WNT10B: variants seen among roughly 807,000 people sequenced by gnomAD.
WNT10B encodes the protein protein Wnt-10b.
WNT10B carries 26 observed loss-of-function variants against 32.7 expected under a neutral mutation model. That is an observed-to-expected ratio of 0.79 (90% CI 0.58 to 1.10). WNT10B has a LOEUF of 1.10. WNT10B is among the 50% of genes least tolerant of loss of function. WNT10B has a pLI of 0.00. For missense variants in WNT10B, 474 were observed against 532.5 expected (o/e 0.89, Z 1.08); for synonymous variants, 204 against 220.4 (o/e 0.93, Z 0.66).
chr12:48,969,880 C>G (rs1272465761), intron 3 of WNT10B, among the ~76,000 whole-genome samples: 1 of 151,908 alleles, frequency 6.6e-6, no homozygotes, highest in African/African-American at 2.4e-5. Flanking sequence ...ACCCAGCTGC[C>G]TCGCTGGCAG....
rs374582528 is a variant in WNT10B, at chr12:48,971,607, C to A, written c.-193G>T. Reference sequence around the variant, plus strand: ...GCCGGGCCACTCCTCTTCACCGCTTCCCCAGCGCCGCCGCGGCCGCCGGGA... The same window carrying A: ...GCCGGGCCACTCCTCTTCACCGCTTACCCAGCGCCGCCGCGGCCGCCGGGA... On this transcript the variant is annotated 5_prime_UTR_variant, in exon 1 of 5. Transcript: ENST00000301061. The A allele has an allele frequency of 9.2e-5, 14 of 152,662 alleles. No homozygotes were observed. The highest frequency in any genetic ancestry group is 7.7e-4 in the East Asian group (4 of 5,168). The allele number at this position is 152,662 out of a possible 1,614,324, so 9.5% of individuals were successfully genotyped here. A position where few individuals can be genotyped will look rare whatever the true frequency, so the allele number is the denominator to read the frequency against.
rs1940817061 is a variant in WNT10B, at chr12:48,970,015, C to T, written c.337+74G>A. ...CCGGAGCCGCGAAACCATCCCTTCC[C>T]GCCTCCGCGCGCCTCGCCCTGCCGC... On this transcript the variant is annotated intron_variant, in intron 3 of 4. Coordinates refer to ENST00000301061, the MANE Select transcript of WNT10B (RefSeq NM_003394.4). The surrounding 1 kb of genome is among the most constrained non-coding windows in gnomAD (Gnocchi z 5.0). 7.2e-7 allele frequency: 1 copy of T among 1,385,174 alleles called. No individual in the cohort carries two copies. The highest frequency in any genetic ancestry group is 1.5e-5 in the African/African-American group (1 of 65,306). The allele number at this position is 1,385,174 out of a possible 1,614,324, so 85.8% of individuals were successfully genotyped here.
At position 48,970,457 on chromosome 12, in the gene WNT10B, G is replaced by T. The variant is rs767121886; in HGVS notation, c.73C>A (p.Arg25=). 14 of 1,613,128 alleles carry T rather than the reference G, an allele frequency of 8.7e-6. No individual in the cohort carries two copies. Among genetic ancestry groups the T allele is most frequent in the Non-Finnish European group, 1.2e-5 (14 of 1,179,748 alleles). Reference sequence around the variant, plus strand: ...TGGGAGACAAGGGGAACTGCTCACCGACTGCACAACGCCAGGAACAGGAGA... The same window carrying T: ...TGGGAGACAAGGGGAACTGCTCACCTACTGCACAACGCCAGGAACAGGAGA... The part of the protein sequence containing the change: ...AGLLFLALCS[R]ALSNEILGLK... Residue 25 remains arginine (R), a splice_region_variant and synonymous_variant, in exon 2 of 5, where the codon CGG becomes AGG. Coordinates refer to ENST00000301061, the MANE Select transcript of WNT10B (RefSeq NM_003394.4). This position sits in a 1 kb window ranked among gnomAD's most constrained non-coding sequence, Gnocchi z 5.0.
chr12:48,969,673 G>A (rs1039766578), intron 3 of WNT10B, among the ~76,000 whole-genome samples: 2 of 152,090 alleles, frequency 1.3e-5, no homozygotes, highest in Non-Finnish European at 2.9e-5. Context: ...ACGGTTGGGG[G>A]CGTCACCCCA....
rs781160952 is a variant in WNT10B at position 48,970,269 on chromosome 12, C to G, written c.157G>C (p.Gly53Arg). 6 of 1,613,592 alleles carry G rather than the reference C, an allele frequency of 3.7e-6. No homozygotes were observed. The highest frequency in any genetic ancestry group is 5.1e-6 in the Non-Finnish European group (6 of 1,179,832). Residue 53 changes from glycine to arginine, a missense_variant, in exon 3 of 5, where the codon GGC (glycine) becomes CGC (arginine). By Grantham distance (125) the Gly-to-Arg change is moderately radical. Transcript: ENST00000301061. This position sits in a 1 kb window ranked among gnomAD's most constrained non-coding sequence, Gnocchi z 5.0. ...TANTVCLTLS[G>R]LSKRQLGLCL... The stretch of plus-strand genomic sequence containing the variant: ...AGGCCTAGCTGCCGCTTGCTCAGGC[C>G]GGACAGCGTCAAGCACACGGTGTTG...
chr12:48,966,032 A>C lies in WNT10B; in HGVS notation c.*63T>G. ...GTGACCTTGGAAGGAAATCAGAGCA[A>C]AGGGCTGAAAAGGCGCCCCTCTCAC... is the stretch of plus-strand genomic sequence containing the variant. On this transcript the variant is annotated 3_prime_UTR_variant, in exon 5 of 5. Transcript: ENST00000301061. 6.3e-7 allele frequency: 1 copy of C among 1,588,924 alleles called. No individual in the cohort carries two copies.
In WNT10B at chr12:48,970,507, C is replaced by T. The variant is rs1188648283; in HGVS notation, c.23G>A (p.Arg8Gln). The T allele has an allele frequency of 6.3e-7, 1 of 1,593,838 alleles. No homozygotes were observed. The highest frequency in any genetic ancestry group is 1.8e-5 in the Admixed American group (1 of 56,098). The part of the protein sequence containing the change: MLEEPRP[R>Q]PPPSGLAGLL... The stretch of plus-strand genomic sequence containing the variant: ...ACCCGCGAGGCCCGAGGGCGGAGGC[C>T]GCGGCCGGGGCTCCTCCAGCATGTC... The change falls in exon 2 of 5, where the codon CGG becomes CAG. Residue 8 changes from arginine (R) to glutamine (Q), a missense_variant. Physicochemically the swap from Arg to Gln is conservative, Grantham distance 43. Transcript: ENST00000301061. The surrounding 1 kb of genome is among the most constrained non-coding windows in gnomAD (Gnocchi z 5.0).
In WNT10B at chr12:48,969,287, C is replaced by G. The variant is rs188963563; in HGVS notation, c.337+802G>C. 4.8e-4 allele frequency: 182 copies of G among 380,652 alleles called. 1 individual carries two copies. Among genetic ancestry groups the G allele is most frequent in the African/African-American group, 3.7e-3 (172 of 46,952 alleles). 23.6% of individuals were successfully genotyped at this position (380,652 alleles called of 1,614,324 possible). On this transcript the variant is annotated intron_variant, in intron 3 of 4. Coordinates refer to ENST00000301061, the MANE Select transcript of WNT10B (RefSeq NM_003394.4). ...CTCCTGGGCCAGCCTTCTGATCCCC[C>G]TAACTCCAACCCTCCAGGGGTGAAG...
At chr12:48,967,472 G>A (rs1311209243) in intron 4 of WNT10B, among the ~76,000 whole-genome samples, 1 of 151,458 alleles carries the variant, frequency 6.6e-6, no homozygotes, top group Admixed American at 6.6e-5. Flanking sequence ...CCTAATTTTT[G>A]TACTTTTAAT....
At chr12:48,969,030 G>T (rs1242015384) in intron 3 of WNT10B, 5 of 468,338 alleles carry the variant, frequency 1.1e-5, no homozygotes, top group African/African-American at 8.0e-5. Flanking sequence ...CTCTTAAAAG[G>T]TTGGCTTCTT....
Position 48,966,031 on chromosome 12 carries a change from A to G in WNT10B, c.*64T>C, listed in dbSNP as rs763131979. On this transcript the variant is annotated 3_prime_UTR_variant, in exon 5 of 5. Coordinates refer to ENST00000301061, the MANE Select transcript of WNT10B (RefSeq NM_003394.4). Reference sequence around the variant, plus strand: ...AGTGACCTTGGAAGGAAATCAGAGCAAAGGGCTGAAAAGGCGCCCCTCTCA... The same window carrying G: ...AGTGACCTTGGAAGGAAATCAGAGCGAAGGGCTGAAAAGGCGCCCCTCTCA... The G allele has an allele frequency of 3.1e-5, 49 of 1,586,798 alleles. No individual in the cohort carries two copies. The highest frequency in any genetic ancestry group is 4.0e-5 in the African/African-American group (3 of 74,490).
rs1442448251 is a variant in WNT10B, at chr12:48,970,334, A to G, written c.92T>C (p.Ile31Thr). The change falls in exon 3 of 5, where the codon ATT becomes ACT. Residue 31 changes from isoleucine (I) to threonine (T), a missense_variant. Physicochemically the swap from Ile to Thr is moderately conservative, Grantham distance 89. Transcript: ENST00000301061. The surrounding 1 kb of genome is among the most constrained non-coding windows in gnomAD (Gnocchi z 5.0). ...CTCGCCAGGCAACTTCAGGCCCAGA[A>G]TCTCATTGCTTAGAGCCCTGGGAAC... is the stretch of plus-strand genomic sequence containing the variant. The part of the protein sequence containing the change: ...ALCSRALSNE[I>T]LGLKLPGEPP... 6 of 1,614,000 alleles carry G rather than the reference A, an allele frequency of 3.7e-6. No homozygotes were observed. The highest frequency in any genetic ancestry group is 5.1e-6 in the Non-Finnish European group (6 of 1,179,942).
Position 48,970,245 on chromosome 12 carries a change from G to C in WNT10B, c.181C>G (p.Leu61Val). 6.2e-7 allele frequency: 1 copy of C among 1,611,102 alleles called. No homozygotes were observed. The highest frequency in any genetic ancestry group is 8.5e-7 in the Non-Finnish European group (1 of 1,178,880). The part of the protein sequence containing the change: ...LSGLSKRQLG[L>V]CLRNPDVTAS... ...GTCACGTCGGGGTTGCGCAGGCACA[G>C]GCCTAGCTGCCGCTTGCTCAGGCCG... Residue 61 changes from leucine (L) to valine (V), a missense_variant, in exon 3 of 5, where the codon CTG becomes GTG. Physicochemically the swap from Leu to Val is conservative, Grantham distance 32 (BLOSUM62 1). Coordinates refer to ENST00000301061, the MANE Select transcript of WNT10B (RefSeq NM_003394.4). The surrounding 1 kb of genome is among the most constrained non-coding windows in gnomAD (Gnocchi z 5.0).
Position 48,970,943 on chromosome 12 carries a change from C to T in WNT10B, c.-40-374G>A. 3.3e-6 allele frequency: 1 copy of T among 300,350 alleles called. No individual in the cohort carries two copies. The highest frequency in any genetic ancestry group is 6.4e-6 in the Non-Finnish European group (1 of 155,854). The allele number at this position is 300,350 out of a possible 1,614,324, so 18.6% of individuals were successfully genotyped here. A position where few individuals can be genotyped will look rare whatever the true frequency, so the allele number is the denominator to read the frequency against. On this transcript the variant is annotated intron_variant, in intron 1 of 4. Transcript: ENST00000301061. The surrounding 1 kb of genome is among the most constrained non-coding windows in gnomAD (Gnocchi z 5.0). ...TCCAGGGCCCCACGACTAGCTTCCC[C>T]GCCCTCACAGGGCTAGGGAGAGGGA... is the stretch of plus-strand genomic sequence containing the variant.
chr12:48,968,383 G>A, intron 3 of WNT10B, 64 bp from the exon 4 acceptor site: 1 of 1,596,018 alleles, frequency 6.3e-7, no homozygotes, highest in Non-Finnish European at 8.5e-7. Context: ...TGTGGAGGCA[G>A]AAAGAAATAA....
Position 48,970,377 on chromosome 12 carries a change from T to C in WNT10B, c.75-26A>G. On this transcript the variant is annotated intron_variant, in intron 2 of 4. Transcript: ENST00000301061. The surrounding 1 kb of genome is among the most constrained non-coding windows in gnomAD (Gnocchi z 5.0). ...CTGGGAACCAAGAAGGCGTCTGGGGTCTGCGGTCCAGACCCCTCCAACTCT... is the reference window on the plus strand; with the variant it reads ...CTGGGAACCAAGAAGGCGTCTGGGGCCTGCGGTCCAGACCCCTCCAACTCT... 6.2e-7 allele frequency: 1 copy of C among 1,613,940 alleles called. No homozygotes were observed. Among genetic ancestry groups the C allele is most frequent in the South Asian group, 1.1e-5 (1 of 91,050 alleles).
At chr12:48,971,084 T>C (rs1293741321) in intron 1 of WNT10B, among the ~76,000 whole-genome samples, 2 of 152,110 alleles carry the variant, frequency 1.3e-5, no homozygotes, top group Non-Finnish European at 2.9e-5. Context: ...GCCCCCTCCC[T>C]GAGCAGCAAG....
At chr12:48,967,866 C>T in intron 4 of WNT10B, 80 bp downstream of exon 4, 8 of 1,571,982 alleles carry the variant, frequency 5.1e-6, no homozygotes, top group Non-Finnish European at 6.9e-6. Flanking sequence ...CACACTTTAT[C>T]CTATCATTTC....
chr12:48,966,519 C>T lies in WNT10B; in HGVS notation c.746G>A (p.Cys249Tyr). 6.2e-7 allele frequency: 1 copy of T among 1,613,964 alleles called. No homozygotes were observed. Among genetic ancestry groups the T allele is most frequent in the Non-Finnish European group, 8.5e-7 (1 of 1,180,046 alleles). ...CTGGCAGCTGCCTGATGTGCCATGACACTTGCATTTCCGCTTCAGGTTTTC... is the reference window on the plus strand; with the variant it reads ...CTGGCAGCTGCCTGATGTGCCATGATACTTGCATTTCCGCTTCAGGTTTTC... Reference protein sequence around the residue: ...VTENLKRKCKCHGTSGSCQFK... With the variant: ...VTENLKRKCKYHGTSGSCQFK... Residue 249 changes from cysteine to tyrosine, a missense_variant, in exon 5 of 5, where the codon TGT becomes TAT. By Grantham distance (194) the Cys-to-Tyr change is radical. Transcript: ENST00000301061.
Sources: gnomAD v4.1 joint callset for allele counts (sites outside exome capture counted in the v4.1 genomes callset) on GRCh38, gnomAD v4.1.1 for gene constraint, Gnocchi (gnomAD v3.1) non-coding constraint, MANE v1.5 for transcripts, NCBI Gene and HGNC (gene_info 2026-07-23, HGNC 2026-07-21) for gene names.